Variants in HS3ST4 observed in about 807,000 individuals in gnomAD.
The protein encoded by HS3ST4 is heparan sulfate glucosamine 3-O-sulfotransferase 4.
HS3ST4 carries 17 observed loss-of-function variants against 29.2 expected under a neutral mutation model. The ratio of observed to expected loss-of-function variants is 0.58; its 90% CI spans 0.40 to 0.87. The LOEUF (loss-of-function observed/expected upper bound fraction) is 0.87, where lower values mean the gene tolerates loss of function less well. HS3ST4 is among the 40% of genes least tolerant of loss of function. The pLI is 0.00. For synonymous variants in HS3ST4, 314 were observed against 285.7 expected (o/e 1.10, Z -1.00); for missense variants, 627 against 634.5 (o/e 0.99, Z 0.13).
At chr16:25,726,489 T>C (rs1966535809) in intron 1 of HS3ST4, among the ~76,000 whole-genome samples, 1 of 152,146 alleles carries the variant, frequency 6.6e-6, no homozygotes, top group African/African-American at 2.4e-5. Context: ...CCCCATTTTC[T>C]TTGAATAAAT....
At chr16:25,863,381 G>A (rs1044368912) in intron 1 of HS3ST4, among the ~76,000 whole-genome samples, 7 of 152,090 alleles carry the variant, frequency 4.6e-5, no homozygotes, top group African/African-American at 1.2e-4. Context: ...GTGCCTGGCC[G>A]TGTTTGAAGT....
intron 1 of HS3ST4, among the ~76,000 whole-genome samples, chr16:26,086,039 G>A (rs182363283): frequency 4.3e-4 from 65 of 152,214 alleles, no homozygotes; most frequent in African/African-American, 1.5e-3. Flanking sequence ...GTAAAATGCA[G>A]TAATGGGATG....
At chr16:25,931,011 T>C (rs1968457449) in intron 1 of HS3ST4, among the ~76,000 whole-genome samples, 1 of 152,172 alleles carries the variant, frequency 6.6e-6, no homozygotes, top group African/African-American at 2.4e-5. Context: ...TAAGCTCAAG[T>C]GATCTTCTGC....
intron 1 of HS3ST4, among the ~76,000 whole-genome samples, chr16:25,967,161 G>C (rs4464085): frequency 0.82 from 124,479 of 152,176 alleles, 51,408 homozygotes; most frequent in African/African-American, 0.94. Context: ...TTTGTTTTTT[G>C]TTTTTTTGAG....
In HS3ST4 at chr16:25,914,800, C is replaced by A. The variant is rs531675135; in HGVS notation, c.735-220812C>A. On this transcript the variant is annotated intron_variant, in intron 1 of 1. Transcript: ENST00000331351. ...GCCTGCTGTGCTTGAGGGATTCTCA[C>A]CCCTCTGTGAGAAACAGGGAGCCCT... Among the ~76,000 whole-genome samples the A allele has an allele frequency of 4.6e-5, 7 of 151,904 alleles. 1 individual carries two copies. In the East Asian group the frequency reaches 9.7e-4, roughly 21 times the overall value.
chr16:26,048,373 A>G (rs759477571), intron 1 of HS3ST4, among the ~76,000 whole-genome samples: 6 of 152,260 alleles, frequency 3.9e-5, no homozygotes, highest in Non-Finnish European at 7.3e-5. Flanking sequence ...TCGACCATAT[A>G]GCACAACTCT....
intron 1 of HS3ST4, among the ~76,000 whole-genome samples, chr16:25,740,702 C>T (rs929836566): frequency 4.6e-5 from 7 of 152,180 alleles, no homozygotes; most frequent in African/African-American, 1.7e-4. Flanking sequence ...TCCCAACAAC[C>T]TGTGAGGACA....
At chr16:25,817,286 G>A (rs1326978229) in intron 1 of HS3ST4, among the ~76,000 whole-genome samples, 1 of 152,190 alleles carries the variant, frequency 6.6e-6, no homozygotes, top group African/African-American at 2.4e-5. Flanking sequence ...AGTTAATATG[G>A]CTGTGGTTTC....
rs190135443 is a variant in HS3ST4 at position 26,096,932 on chromosome 16, A to G, written c.735-38680A>G. On this transcript the variant is annotated intron_variant, in intron 1 of 1. Coordinates refer to ENST00000331351, the MANE Select transcript of HS3ST4 (RefSeq NM_006040.3). ...GCAAAAATCACAAGCATTTCTATGCATGAATTACAGACAAACAGAGAGCCA... is the reference window on the plus strand; with the variant it reads ...GCAAAAATCACAAGCATTTCTATGCGTGAATTACAGACAAACAGAGAGCCA... Among the ~76,000 whole-genome samples, 140 of 152,332 alleles carry G rather than the reference A, an allele frequency of 9.2e-4. 2 individuals are homozygous for G. The East Asian group carries it at 0.021, about 23-fold the overall frequency.
intron 1 of HS3ST4, among the ~76,000 whole-genome samples, chr16:25,784,316 T>G (rs1966855320): frequency 6.6e-6 from 1 of 152,188 alleles, no homozygotes; most frequent in Admixed American, 6.6e-5. Flanking sequence ...AAAGGAAGAA[T>G]CTCATGTCTC....
At chr16:25,715,324 G>A (rs558767539) in intron 1 of HS3ST4, among the ~76,000 whole-genome samples, 7 of 68,926 alleles carry the variant, frequency 1.0e-4, no homozygotes, top group East Asian at 9.3e-4. Context: ...GCGAGACTCC[G>A]TCTCAAAAAA....
chr16:25,965,329 T>C (rs1968832576), intron 1 of HS3ST4, among the ~76,000 whole-genome samples: 2 of 151,030 alleles, frequency 1.3e-5, no homozygotes. Context: ...GAGAATCAAT[T>C]GAACCTGGGA....
At chr16:26,015,040 G>A (rs1596645108) in intron 1 of HS3ST4, among the ~76,000 whole-genome samples, 1 of 152,204 alleles carries the variant, frequency 6.6e-6, no homozygotes, top group East Asian at 1.9e-4. Flanking sequence ...TAATGAAATT[G>A]ATAGTAAAAA....
intron 1 of HS3ST4, among the ~76,000 whole-genome samples, chr16:26,014,532 C>T (rs1969344197): frequency 6.6e-6 from 1 of 152,072 alleles, no homozygotes; most frequent in South Asian, 2.1e-4. Flanking sequence ...GTCTGTTGTT[C>T]CCTTCTTTGT....
At chr16:26,038,685 T>TGTAC (rs1467006956) in intron 1 of HS3ST4, among the ~76,000 whole-genome samples, 3 of 151,356 alleles carry the variant, frequency 2.0e-5, no homozygotes, top group Non-Finnish European at 4.4e-5. Context: ...TATGTATGTA[T>TGTAC]GTATTTATTT....
intron 1 of HS3ST4, among the ~76,000 whole-genome samples, chr16:25,998,017 A>G (rs973817546): frequency 3.9e-5 from 6 of 152,126 alleles, no homozygotes; most frequent in African/African-American, 1.4e-4. Flanking sequence ...GGGTGGATCC[A>G]TTGAGGCCAG....
intron 1 of HS3ST4, among the ~76,000 whole-genome samples, chr16:25,869,226 G>A (rs537744518): frequency 3.3e-5 from 5 of 152,086 alleles, no homozygotes; most frequent in African/African-American, 4.8e-5. Flanking sequence ...TGGAGAAACA[G>A]CATTGGTGGT....
intron 1 of HS3ST4, among the ~76,000 whole-genome samples, chr16:25,735,856 G>C (rs1030217038): frequency 1.3e-5 from 2 of 152,148 alleles, no homozygotes; most frequent in African/African-American, 4.8e-5. Flanking sequence ...CTGGAGCTAG[G>C]GGGTGGCATC....
At chr16:25,715,444 A>G (rs961271278) in intron 1 of HS3ST4, among the ~76,000 whole-genome samples, 1 of 151,926 alleles carries the variant, frequency 6.6e-6, no homozygotes, top group African/African-American at 2.4e-5. Flanking sequence ...ATATGCAATT[A>G]CCATGAGATG....
Sources: allele counts gnomAD v4.1 joint callset (sites outside exome capture counted in the v4.1 genomes callset), GRCh38; gene constraint gnomAD v4.1.1; transcripts MANE v1.5; gene names NCBI Gene and HGNC (gene_info 2026-07-23, HGNC 2026-07-21).